The following KHDRBS2 variants were observed in gnomAD, a reference collection of about 807,000 sequenced individuals.
The protein encoded by KHDRBS2 is KH domain-containing, RNA-binding, signal transduction-associated protein 2.
KHDRBS2 carries 26 observed loss-of-function variants against 44.3 expected under a neutral mutation model. The observed-to-expected ratio is 0.59, with a 90% CI of 0.43 to 0.81. The LOEUF (loss-of-function observed/expected upper bound fraction) is 0.81. Among genes scored for constraint, KHDRBS2 ranks in the 40% least tolerant of loss-of-function variants. The pLI is 0.00. For missense variants in KHDRBS2, 476 were observed against 433.1 expected (o/e 1.10, Z -0.88); for synonymous variants, 194 against 151.1 (o/e 1.28, Z -2.08).
In KHDRBS2 at chr6:61,964,343, C is replaced by T. The variant is rs9453766; in HGVS notation, c.483+13723G>A. On this transcript the variant is annotated intron_variant, in intron 4 of 8. Transcript: ENST00000281156. ...ATCAATCAATATTTATTGAGAATGA[C>T]GGCACAAGCAATCGCATCAGGCAGC... 2.7e-3 allele frequency among the ~76,000 whole-genome samples: 417 copies of T among 152,060 alleles called. 3 individuals carry two copies. Among genetic ancestry groups the T allele is most frequent in the African/African-American group, 9.4e-3 (389 of 41,500 alleles).
intron 6 of KHDRBS2, among the ~76,000 whole-genome samples, chr6:61,802,007 A>C (rs1786355150): frequency 6.6e-6 from 1 of 152,156 alleles, no homozygotes; most frequent in Non-Finnish European, 1.5e-5. Context: ...GGAAGGATCA[A>C]TGCATTATTG....
intron 2 of KHDRBS2, among the ~76,000 whole-genome samples, chr6:62,108,190 A>T (rs546803221): frequency 1.2e-4 from 19 of 152,226 alleles, no homozygotes; most frequent in South Asian, 4.2e-4. Context: ...TTCGCAACCT[A>T]CTCATCTGAC....
chr6:62,032,084 GTC>G (rs1441651513), intron 3 of KHDRBS2, among the ~76,000 whole-genome samples: 1 of 152,098 alleles, frequency 6.6e-6, no homozygotes, highest in East Asian at 1.9e-4. Flanking sequence ...GAGAACATAA[GTC>G]TCTGCCAGTT....
intron 1 of KHDRBS2, among the ~76,000 whole-genome samples, chr6:62,278,272 A>AT: frequency 6.6e-6 from 1 of 152,222 alleles, no homozygotes; most frequent in East Asian, 1.9e-4. Flanking sequence ...AAAGCTGATG[A>AT]TACTACACAG....
At chr6:61,568,839 A>G in the KHDRBS2 span, among the ~76,000 whole-genome samples, 2 of 152,228 alleles carry the variant, frequency 1.3e-5, no homozygotes, top group East Asian at 3.9e-4. Flanking sequence ...AAGGGTAACT[A>G]GAAAGGGGGT....
chr6:62,016,973 A>T (rs1018678388), intron 3 of KHDRBS2, among the ~76,000 whole-genome samples: 1 of 152,170 alleles, frequency 6.6e-6, no homozygotes, highest in African/African-American at 2.4e-5. Context: ...AAAACAAAAT[A>T]ATCAAGTGAA....
intron 7 of KHDRBS2, among the ~76,000 whole-genome samples, chr6:61,729,764 T>C (rs1320167768): frequency 2.6e-5 from 4 of 152,142 alleles, no homozygotes; most frequent in African/African-American, 9.7e-5. Context: ...TCAGTTCAAA[T>C]TTTTTTGCCC....
At chr6:61,648,874 G>A in the KHDRBS2 span, among the ~76,000 whole-genome samples, 3 of 152,116 alleles carry the variant, frequency 2.0e-5, no homozygotes, top group African/African-American at 7.2e-5. Flanking sequence ...TCTTCCTGAA[G>A]TAGTATCATT....
chr6:62,266,122 C>A (rs1412208893), intron 1 of KHDRBS2, among the ~76,000 whole-genome samples: 1 of 152,064 alleles, frequency 6.6e-6, no homozygotes, highest in Non-Finnish European at 1.5e-5. Context: ...ACTTAGGTGA[C>A]TGACTTTCAA....
chr6:61,954,145 G>C (rs1054839899), intron 4 of KHDRBS2, among the ~76,000 whole-genome samples: 1 of 152,066 alleles, frequency 6.6e-6, no homozygotes, highest in African/African-American at 2.4e-5. Context: ...ATATGCTTCA[G>C]TAGTATGTCA....
At chr6:62,112,337 G>A (rs1400426715) in intron 2 of KHDRBS2, among the ~76,000 whole-genome samples, 2 of 152,074 alleles carry the variant, frequency 1.3e-5, no homozygotes, top group South Asian at 2.1e-4. Context: ...AAATTAAAGC[G>A]GCTTTGATGG....
intron 1 of KHDRBS2, among the ~76,000 whole-genome samples, chr6:62,268,267 T>C (rs1198590581): frequency 9.2e-5 from 14 of 152,176 alleles, no homozygotes; most frequent in Middle Eastern, 3.4e-3. Context: ...AGCACTGATA[T>C]ATTCTGTCAG....
chr6:62,026,763 T>C lies in KHDRBS2; in HGVS notation c.336+21115A>G, dbSNP rs1783422317. Among the ~76,000 whole-genome samples the C allele has an allele frequency of 3.3e-5, 5 of 152,176 alleles. No homozygotes were observed. In the South Asian group the frequency reaches 1.0e-3, roughly 32 times the overall value. ...TATGATTGAATAAAAAGTTACTGGT[T>C]CACATTATCTTTTCTTAAGCATATT... On this transcript the variant is annotated intron_variant, in intron 3 of 8. Transcript: ENST00000281156.
intron 3 of KHDRBS2, among the ~76,000 whole-genome samples, chr6:62,046,473 G>C (rs1186037258): frequency 6.6e-6 from 1 of 151,952 alleles, no homozygotes; most frequent in East Asian, 1.9e-4. Flanking sequence ...GGGAAGCCAT[G>C]CTGGGGAGAT....
chr6:62,076,298 T>C (rs1482733851), intron 2 of KHDRBS2, among the ~76,000 whole-genome samples: 1 of 151,986 alleles, frequency 6.6e-6, no homozygotes, highest in Non-Finnish European at 1.5e-5. Flanking sequence ...GGAGAACTCA[T>C]CTCATCTTAA....
chr6:61,955,001 T>TAG (rs1766211427), intron 4 of KHDRBS2, among the ~76,000 whole-genome samples: 2 of 140,284 alleles, frequency 1.4e-5, no homozygotes, highest in South Asian at 2.2e-4. Flanking sequence ...TATATAGACA[T>TAG]ACATATGTAT....
At chr6:62,056,407 C>T (rs1005988271) in intron 2 of KHDRBS2, among the ~76,000 whole-genome samples, 1 of 151,744 alleles carries the variant, frequency 6.6e-6, no homozygotes, top group African/African-American at 2.4e-5. Context: ...TCTTAAATAA[C>T]AGGGATAATA....
chr6:61,618,967 T>A, the KHDRBS2 span, among the ~76,000 whole-genome samples: 3 of 152,222 alleles, frequency 2.0e-5, no homozygotes, highest in African/African-American at 7.2e-5. Context: ...AGGGCAGAGT[T>A]TTCTGTCTAT....
chr6:61,988,591 A>G (rs1775515168), intron 3 of KHDRBS2, among the ~76,000 whole-genome samples: 1 of 152,132 alleles, frequency 6.6e-6, no homozygotes, highest in African/African-American at 2.4e-5. Context: ...AGAAACTGGC[A>G]CTCAGAGATC....
Sources: gnomAD v4.1 joint callset for allele counts (sites outside exome capture counted in the v4.1 genomes callset) on GRCh38, gnomAD v4.1.1 for gene constraint, MANE v1.5 for transcripts, NCBI Gene and HGNC (gene_info 2026-07-23, HGNC 2026-07-21) for gene names.